CAMK1D: variants seen among roughly 807,000 people sequenced by gnomAD.
CAMK1D encodes calcium/calmodulin dependent protein kinase ID.
CAMK1D carries 9 observed loss-of-function variants against 47.7 expected under a neutral mutation model. That is an observed-to-expected ratio of 0.19 (90% CI 0.11 to 0.33). The LOEUF (loss-of-function observed/expected upper bound fraction) is 0.33. Ranked by LOEUF, CAMK1D falls within the 10% of genes least tolerant of loss-of-function variation. The pLI is 1.00. For synonymous variants in CAMK1D, 184 were observed against 184.9 expected, an observed-to-expected ratio of 0.99 and a Z score of 0.04; for missense variants, 291 against 488.7, an observed-to-expected ratio of 0.60 and a Z score of 3.81.
chr10:12,566,347 C>T (rs561619195), intron 2 of CAMK1D, among the ~76,000 whole-genome samples: 3 of 152,240 alleles, frequency 2.0e-5, no homozygotes, highest in Admixed American at 6.5e-5. Context: ...GAGGCAGCAG[C>T]GATGAGGTGG....
At chr10:12,606,729 G>A (rs531984012) in intron 2 of CAMK1D, among the ~76,000 whole-genome samples, 3 of 152,316 alleles carry the variant, frequency 2.0e-5, no homozygotes, top group South Asian at 2.1e-4. Context: ...TTAATCACTC[G>A]GAGATTGCTG....
At chr10:12,826,169 T>A (rs1007173538) in intron 10 of CAMK1D, 1 of 159,874 alleles carries the variant, frequency 6.3e-6, no homozygotes, top group African/African-American at 2.4e-5. Context: ...TGAACACTCG[T>A]GGAACCCTAG....
chr10:12,729,715 G>C (rs1834807264), intron 3 of CAMK1D, among the ~76,000 whole-genome samples: 1 of 152,174 alleles, frequency 6.6e-6, no homozygotes, highest in Admixed American at 6.5e-5. Context: ...ACTTCAGGGA[G>C]CAGGTGACAG....
chr10:12,651,920 AG>A (rs1470902945), intron 2 of CAMK1D, among the ~76,000 whole-genome samples: 1 of 151,894 alleles, frequency 6.6e-6, no homozygotes, highest in Non-Finnish European at 1.5e-5. Flanking sequence ...CTGGGACTAC[AG>A]GTGCCCGCCA....
chr10:12,692,259 C>T (rs879773585), intron 3 of CAMK1D, among the ~76,000 whole-genome samples: 2 of 152,138 alleles, frequency 1.3e-5, no homozygotes, highest in Non-Finnish European at 2.9e-5. Flanking sequence ...TTCTGTTGTG[C>T]TATTGATGCA....
intron 2 of CAMK1D, among the ~76,000 whole-genome samples, chr10:12,592,585 T>C (rs1178004309): frequency 6.6e-6 from 1 of 152,194 alleles, no homozygotes; most frequent in Non-Finnish European, 1.5e-5. Flanking sequence ...AACTGACGTT[T>C]TCTCAGTTTT....
chr10:12,610,163 A>C (rs1187058274), intron 2 of CAMK1D, among the ~76,000 whole-genome samples: 2 of 152,146 alleles, frequency 1.3e-5, no homozygotes, highest in African/African-American at 4.8e-5. Context: ...TTGAATCCAG[A>C]TTAGGAAGGG....
chr10:12,460,590 A>T (rs1470503789), intron 1 of CAMK1D, among the ~76,000 whole-genome samples: 1 of 151,742 alleles, frequency 6.6e-6, no homozygotes, highest in African/African-American at 2.4e-5. Flanking sequence ...CTGCCACCAC[A>T]CCTGGCTATT....
chr10:12,614,822 T>C (rs1222961574), intron 2 of CAMK1D, among the ~76,000 whole-genome samples: 9 of 152,210 alleles, frequency 5.9e-5, no homozygotes, highest in Non-Finnish European at 1.5e-5. Context: ...ATGTGTCTCA[T>C]ATCCTCTGAT....
intron 2 of CAMK1D, among the ~76,000 whole-genome samples, chr10:12,572,433 G>A (rs1417044251): frequency 6.6e-6 from 1 of 152,114 alleles, no homozygotes; most frequent in Non-Finnish European, 1.5e-5. Context: ...TAGGCCAAGG[G>A]GTAACCATTG....
chr10:12,592,157 G>T (rs1226531165), intron 2 of CAMK1D, among the ~76,000 whole-genome samples: 2 of 152,142 alleles, frequency 1.3e-5, no homozygotes, highest in Non-Finnish European at 2.9e-5. Context: ...GGTTGGGCCG[G>T]CTTGAAGTCC....
intron 1 of CAMK1D, among the ~76,000 whole-genome samples, chr10:12,417,674 G>A (rs1260308546): frequency 1.3e-5 from 2 of 152,216 alleles, no homozygotes; most frequent in East Asian, 3.8e-4. Context: ...GGAGGCCCGA[G>A]GCTGGCCATC....
At chr10:12,414,683 G>A (rs987912486) in intron 1 of CAMK1D, among the ~76,000 whole-genome samples, 2 of 152,210 alleles carry the variant, frequency 1.3e-5, no homozygotes, top group African/African-American at 4.8e-5. Context: ...GCAAAGTGTT[G>A]AAGAAAATGT....
intron 2 of CAMK1D, among the ~76,000 whole-genome samples, chr10:12,596,466 T>C (rs925776664): frequency 6.6e-6 from 1 of 152,174 alleles, no homozygotes; most frequent in Admixed American, 6.5e-5. Flanking sequence ...ACAGTTTACA[T>C]TGGGCTTCAT....
chr10:12,369,200 C>G (rs1344015206), intron 1 of CAMK1D, among the ~76,000 whole-genome samples: 1 of 152,098 alleles, frequency 6.6e-6, no homozygotes, highest in African/African-American at 2.4e-5. Context: ...GGTACTGTTA[C>G]CCCCACTTAA....
At chr10:12,561,311 G>C (rs183256637) in intron 2 of CAMK1D, among the ~76,000 whole-genome samples, 1 of 152,068 alleles carries the variant, frequency 6.6e-6, no homozygotes, top group East Asian at 1.9e-4. Flanking sequence ...AACTTGCCAA[G>C]CTTTGGGCAC....
intron 2 of CAMK1D, among the ~76,000 whole-genome samples, chr10:12,560,648 T>G (rs1164433581): frequency 6.6e-6 from 1 of 151,976 alleles, no homozygotes; most frequent in African/African-American, 2.4e-5. Flanking sequence ...TGAAAATGGC[T>G]AAGCTGGTAA....
At chr10:12,395,221 G>A (rs1157824248) in intron 1 of CAMK1D, among the ~76,000 whole-genome samples, 1 of 151,478 alleles carries the variant, frequency 6.6e-6, no homozygotes, top group Non-Finnish European at 1.5e-5. Context: ...ATACCACTAC[G>A]CCCAAGTAAT....
At chr10:12,403,985 A>G (rs1177007345) in intron 1 of CAMK1D, among the ~76,000 whole-genome samples, 1 of 15,680 alleles carries the variant, frequency 6.4e-5, no homozygotes, top group Non-Finnish European at 1.8e-4. Flanking sequence ...TGCTTTTGGA[A>G]AAAAAAAAAA....
Sources: allele counts gnomAD v4.1 joint callset (sites outside exome capture counted in the v4.1 genomes callset), GRCh38; gene constraint gnomAD v4.1.1; transcripts MANE v1.5; gene names NCBI Gene and HGNC (gene_info 2026-07-23, HGNC 2026-07-21).